KISS1: variants seen among roughly 807,000 people sequenced by gnomAD.
The protein encoded by KISS1 is KiSS-1 metastasis suppressor.
For missense variants in KISS1, 182 were observed against 182.7 expected (o/e 1.00, Z 0.02); for synonymous variants, 97 against 88.7 (o/e 1.09, Z -0.52).
At position 204,190,887 on chromosome 1, in the gene KISS1, C is replaced by T. The variant is rs1658732540; in HGVS notation, c.104-90G>A. 2.3e-5 allele frequency: 27 copies of T among 1,152,446 alleles called. No individual in the cohort carries two copies. The East Asian group carries it at 6.6e-4, about 28-fold the overall frequency. 71.4% of individuals were successfully genotyped at this position (1,152,446 alleles called of 1,614,324 possible). Reference sequence around the variant, plus strand: ...GTCATCCCATCCTATCCTTCTTTTCCTTCCTTGACCTTTTGGAAGCTCGGA... The same window carrying T: ...GTCATCCCATCCTATCCTTCTTTTCTTTCCTTGACCTTTTGGAAGCTCGGA... On this transcript the variant is annotated intron_variant, in intron 2 of 2. Coordinates refer to ENST00000367194, the MANE Select transcript of KISS1 (RefSeq NM_002256.4).
chr1:204,190,619 G>C lies in KISS1; in HGVS notation c.282C>G (p.Ile94Met), dbSNP rs1658717186. The change falls in exon 3 of 3, where the codon ATC becomes ATG. Residue 94 changes from isoleucine to methionine, a missense_variant. Physicochemically the swap from Ile to Met is conservative, Grantham distance 10. Coordinates refer to ENST00000367194, the MANE Select transcript of KISS1 (RefSeq NM_002256.4). ...CCAGCACCGCGCCCTGGGGTGCGGG[G>C]ATCTGGCGGCTGTGGGGGGCGGACA... Reference protein sequence around the residue: ...PGLSAPHSRQIPAPQGAVLVQ... With the variant: ...PGLSAPHSRQMPAPQGAVLVQ... 1.9e-6 allele frequency: 3 copies of C among 1,587,536 alleles called. No individual in the cohort carries two copies. The highest frequency in any genetic ancestry group is 1.8e-5 in the Admixed American group (1 of 56,342).
At chr1:204,195,575 C>T (rs1489641169) in intron 1 of KISS1, among the ~76,000 whole-genome samples, 1 of 150,606 alleles carries the variant, frequency 6.6e-6, no homozygotes, top group African/African-American at 2.4e-5. Context: ...ATACACTACA[C>T]ACCACAGATG....
chr1:204,190,409 T>TTCCCCCCC lies in KISS1; in HGVS notation c.*74_*75insGGGGGGGA. 9 of 570,110 alleles carry TTCCCCCCC rather than the reference T, an allele frequency of 1.6e-5. No homozygotes were observed. Among genetic ancestry groups the TTCCCCCCC allele is most frequent in the Admixed American group, 4.9e-5 (2 of 40,486 alleles). The allele number at this position is 570,110 out of a possible 1,614,324, so 35.3% of individuals were successfully genotyped here. ...CAGCGCCCCCTCCCTTAGCCCTACGTCCCCGCCCCCCGCCCCCGCCCCGCA... is the reference window on the plus strand; with the variant it reads ...CAGCGCCCCCTCCCTTAGCCCTACGTTCCCCCCCCCCCGCCCCCCGCCCCCGCCCCGCA... On this transcript the variant is annotated 3_prime_UTR_variant, in exon 3 of 3. Coordinates refer to ENST00000367194, the MANE Select transcript of KISS1 (RefSeq NM_002256.4).
Position 204,192,768 on chromosome 1 carries a change from A to G in KISS1, c.103+6T>C, listed in dbSNP as rs745915964. On this transcript the variant is annotated splice_donor_region_variant and intron_variant, in intron 2 of 2. Coordinates refer to ENST00000367194, the MANE Select transcript of KISS1 (RefSeq NM_002256.4). The surrounding 1 kb of genome is among the most constrained non-coding windows in gnomAD (Gnocchi z 4.2). The stretch of plus-strand genomic sequence containing the variant: ...CCTCCCACTCCTTTCCCCAGAGGAT[A>G]CATACCTGTGGGTCTAGAATTCCCC... 6 of 1,558,172 alleles carry G rather than the reference A, an allele frequency of 3.9e-6. No individual in the cohort carries two copies. Among genetic ancestry groups the G allele is most frequent in the South Asian group, 1.2e-5 (1 of 86,794 alleles).
At chr1:204,191,325 C>A (rs990818414) in intron 2 of KISS1, among the ~76,000 whole-genome samples, 7 of 152,162 alleles carry the variant, frequency 4.6e-5, no homozygotes, top group Non-Finnish European at 7.3e-5. Flanking sequence ...TTCCAACACT[C>A]GTCTTTGATA....
At position 204,190,410 on chromosome 1, in the gene KISS1, C is replaced by CCCCCCCA; in HGVS notation, c.*73_*74insTGGGGGG. 23 of 440,328 alleles carry CCCCCCCA rather than the reference C, an allele frequency of 5.2e-5. No individual in the cohort carries two copies. Among genetic ancestry groups the CCCCCCCA allele is most frequent in the South Asian group, 6.9e-5 (4 of 58,154 alleles). 27.3% of individuals were successfully genotyped at this position (440,328 alleles called of 1,614,324 possible). On this transcript the variant is annotated 3_prime_UTR_variant, in exon 3 of 3. Transcript: ENST00000367194. ...AGCGCCCCCTCCCTTAGCCCTACGTCCCCGCCCCCCGCCCCCGCCCCGCAT... is the reference window on the plus strand; with the variant it reads ...AGCGCCCCCTCCCTTAGCCCTACGTCCCCCCCACCCGCCCCCCGCCCCCGCCCCGCAT...
chr1:204,190,881 C>G, intron 2 of KISS1, 84 bp from the exon 3 acceptor site: 1 of 1,191,762 alleles, frequency 8.4e-7, no homozygotes, highest in Non-Finnish European at 1.2e-6. Flanking sequence ...TCCTATCCTT[C>G]TTTTCCTTCC....
Position 204,190,746 on chromosome 1 carries a change from G to T in KISS1, c.155C>A (p.Pro52Gln), listed in dbSNP as rs1194935052. 2 of 1,610,880 alleles carry T rather than the reference G, an allele frequency of 1.2e-6. No homozygotes were observed. The highest frequency in any genetic ancestry group is 2.7e-5 in the African/African-American group (2 of 74,866). ...GLLAPGEQSL[P>Q]CTERKPAATA... ...AGCAGCTGGCTTCCTCTCGGTGCAC[G>T]GCAGGCTCTGCTCCCCGGGGGCCAG... Residue 52 changes from proline to glutamine, a missense_variant, in exon 3 of 3, where the codon CCG becomes CAG. Physicochemically the swap from Pro to Gln is moderately conservative, Grantham distance 76. Coordinates refer to ENST00000367194, the MANE Select transcript of KISS1 (RefSeq NM_002256.4).
chr1:204,190,418 C>CCCCCCCCCCCCCCCCCCT lies in KISS1; in HGVS notation c.*65_*66insAGGGGGGGGGGGGGGGGG. The CCCCCCCCCCCCCCCCCCT allele has an allele frequency of 1.4e-6, 1 of 692,626 alleles. No individual in the cohort carries two copies. Among genetic ancestry groups the CCCCCCCCCCCCCCCCCCT allele is most frequent in the Non-Finnish European group, 2.5e-6 (1 of 399,612 alleles). 42.9% of individuals were successfully genotyped at this position (692,626 alleles called of 1,614,324 possible). Reference sequence around the variant, plus strand: ...CTCCCTTAGCCCTACGTCCCCGCCCCCCGCCCCCGCCCCGCATGCTCTGAC... The same window carrying CCCCCCCCCCCCCCCCCCT: ...CTCCCTTAGCCCTACGTCCCCGCCCCCCCCCCCCCCCCCCCCCTCCGCCCCCGCCCCGCATGCTCTGAC... On this transcript the variant is annotated 3_prime_UTR_variant, in exon 3 of 3. Transcript: ENST00000367194.
At chr1:204,191,403 AATT>A (rs1280537112) in intron 2 of KISS1, among the ~76,000 whole-genome samples, 1 of 151,586 alleles carries the variant, frequency 6.6e-6, no homozygotes, top group Non-Finnish European at 1.5e-5. Flanking sequence ...GAGAAACAAA[AATT>A]ATCTAGGTCA....
chr1:204,190,609 G>A lies in KISS1; in HGVS notation c.292C>T (p.Gln98Ter). The change falls in exon 3 of 3, where the codon CAG becomes TAG. Residue 98 changes from glutamine (Q) to a stop codon, truncating the protein, a stop_gained. Transcript: ENST00000367194. LOFTEE classifies it low-confidence loss of function (END_TRUNC). ...APHSRQIPAP[Q>*]GAVLVQREKD... ...TCCCGCTGCACCAGCACCGCGCCCT[G>A]GGGTGCGGGGATCTGGCGGCTGTGG... is the stretch of plus-strand genomic sequence containing the variant. 1 of 1,590,862 alleles carries A rather than the reference G, an allele frequency of 6.3e-7. No individual in the cohort carries two copies. The highest frequency in any genetic ancestry group is 1.8e-5 in the Admixed American group (1 of 56,996).
At chr1:204,194,861 T>C (rs1658805683) in intron 1 of KISS1, among the ~76,000 whole-genome samples, 1 of 152,074 alleles carries the variant, frequency 6.6e-6, no homozygotes, top group Admixed American at 6.5e-5. Flanking sequence ...GATGGAGCTT[T>C]GCATGGAGAG....
chr1:204,191,609 G>A (rs1371595603), intron 2 of KISS1, among the ~76,000 whole-genome samples: 2 of 152,264 alleles, frequency 1.3e-5, no homozygotes, highest in Non-Finnish European at 2.9e-5. Context: ...TAGTGGAAAT[G>A]AGGCCTGGTG....
At chr1:204,194,939 C>G (rs542226601) in intron 1 of KISS1, among the ~76,000 whole-genome samples, 1 of 152,144 alleles carries the variant, frequency 6.6e-6, no homozygotes, top group South Asian at 2.1e-4. Context: ...CTGAGCCAGA[C>G]AGGAATGTGG....
In KISS1 at chr1:204,190,701, C is replaced by T. The variant is rs764632722; in HGVS notation, c.200G>A (p.Arg67Gln). ...GGGGGGCGGGGACAGCGAGGTCCCC[C>T]GACGGCTCAGCCTGGCAGTAGCAGC... ...KPAATARLSR[R>Q]GTSLSPPPES... Residue 67 changes from arginine (R) to glutamine (Q), a missense_variant, in exon 3 of 3, where the codon CGG (arginine) becomes CAG (glutamine). Transcript: ENST00000367194. 6 of 1,603,386 alleles carry T rather than the reference C, an allele frequency of 3.7e-6. No individual in the cohort carries two copies. In the East Asian group the frequency reaches 1.1e-4, roughly 30 times the overall value.
intron 1 of KISS1, among the ~76,000 whole-genome samples, chr1:204,195,224 T>TAC: frequency 0.056 from 522 of 9,308 alleles, 4 homozygotes; most frequent in African/African-American, 0.067. Context: ...CACACACCCA[T>TAC]ACACATATAC....
Position 204,190,409 on chromosome 1 carries a change from T to TTCCCCC in KISS1, c.*74_*75insGGGGGA. The TTCCCCC allele has an allele frequency of 4.2e-5, 24 of 570,082 alleles. No homozygotes were observed. Among genetic ancestry groups the TTCCCCC allele is most frequent in the South Asian group, 1.3e-4 (8 of 62,510 alleles). The allele number at this position is 570,082 out of a possible 1,614,324, so 35.3% of individuals were successfully genotyped here. On this transcript the variant is annotated 3_prime_UTR_variant, in exon 3 of 3. Transcript: ENST00000367194. ...CAGCGCCCCCTCCCTTAGCCCTACG[T>TTCCCCC]CCCCGCCCCCCGCCCCCGCCCCGCA... is the stretch of plus-strand genomic sequence containing the variant.
intron 1 of KISS1, among the ~76,000 whole-genome samples, chr1:204,195,798 A>G (rs1277162258): frequency 6.6e-6 from 1 of 152,156 alleles, no homozygotes; most frequent in Non-Finnish European, 1.5e-5. Flanking sequence ...TATATGGTAG[A>G]AATGAATTAT....
chr1:204,195,268 A>AC (rs1658826910), intron 1 of KISS1, among the ~76,000 whole-genome samples: 5 of 6,770 alleles, frequency 7.4e-4, no homozygotes, highest in East Asian at 4.3e-3. Context: ...TCATACACAC[A>AC]CACATACACC....
Sources: allele counts gnomAD v4.1 joint callset (sites outside exome capture counted in the v4.1 genomes callset), GRCh38; gene constraint gnomAD v4.1.1; non-coding constraint Gnocchi (gnomAD v3.1); transcripts MANE v1.5; gene names NCBI Gene and HGNC (gene_info 2026-07-23, HGNC 2026-07-21).